CPSF6: variants seen among roughly 807,000 people sequenced by gnomAD.
CPSF6 encodes cleavage and polyadenylation specific factor 6, also known as cleavage and polyadenylation specificity factor subunit 6.
Under a neutral mutation model 56.7 loss-of-function variants are expected in CPSF6, and 10 were observed. That is an observed-to-expected ratio of 0.18 (90% CI 0.11 to 0.30). The LOEUF (loss-of-function observed/expected upper bound fraction) is 0.30. CPSF6 is among the 10% of genes least tolerant of loss of function. The pLI is 1.00. For missense variants in CPSF6, 419 were observed against 722.9 expected, an observed-to-expected ratio of 0.58 and a Z score of 4.82; for synonymous variants, 248 against 244.8, an observed-to-expected ratio of 1.01 and a Z score of -0.12.
rs565277837 is a variant in CPSF6, at chr12:69,260,183, T to C, written c.1455T>C (p.Tyr485=). Residue 485 remains tyrosine (Y), a synonymous_variant, in exon 8 of 10, where the codon TAT becomes TAC. Coordinates refer to ENST00000435070, the MANE Select transcript of CPSF6 (RefSeq NM_007007.3). ...TTCATGGAATTGAGTCCAAGTCTTATGGTTCTGGATCAAGGTAAAACTTTC... is the reference window on the plus strand; with the variant it reads ...TTCATGGAATTGAGTCCAAGTCTTACGGTTCTGGATCAAGGTAAAACTTTC... ...DCLHGIESKS[Y]GSGSRRERSR... The C allele has an allele frequency of 2.3e-5, 37 of 1,600,828 alleles. No homozygotes were observed. Among genetic ancestry groups the C allele is most frequent in the African/African-American group, 8.1e-5 (6 of 74,230 alleles).
intron 4 of CPSF6, among the ~76,000 whole-genome samples, chr12:69,257,419 T>A (rs1261603999): frequency 2.6e-5 from 4 of 152,226 alleles, no homozygotes; most frequent in Non-Finnish European, 4.4e-5. Flanking sequence ...GTTACAAAAT[T>A]TAAATGATGT....
intron 1 of CPSF6, 106 bp from the exon 2 acceptor site, chr12:69,251,023 C>A: frequency 1.8e-6 from 2 of 1,088,912 alleles, no homozygotes; most frequent in Non-Finnish European, 2.6e-6. Flanking sequence ...AAATCCTTGG[C>A]CTTTTTCCAT....
chr12:69,256,139 A>G (rs745498852), intron 3 of CPSF6, among the ~76,000 whole-genome samples: 8 of 152,218 alleles, frequency 5.3e-5, no homozygotes, highest in Non-Finnish European at 1.2e-4. Context: ...CTCCTATTGT[A>G]TGATTCCATT....
chr12:69,254,695 C>T (rs1872423557), intron 3 of CPSF6, among the ~76,000 whole-genome samples: 1 of 151,682 alleles, frequency 6.6e-6, no homozygotes. Flanking sequence ...ATGTTGTGAC[C>T]CAAGATAATC....
At chr12:69,256,506 G>A (rs1872516838) in intron 3 of CPSF6, among the ~76,000 whole-genome samples, 191 bp from the exon 4 acceptor site, 1 of 152,114 alleles carries the variant, frequency 6.6e-6, no homozygotes, top group Admixed American at 6.5e-5. Flanking sequence ...ATAGGTTACT[G>A]TAGCCTCAAA....
At position 69,272,499 on chromosome 12, in the gene CPSF6, A is replaced by G. The variant is rs563307341; in HGVS notation, c.*2991A>G. The G allele has an allele frequency of 1.3e-4, 19 of 151,850 alleles. No homozygotes were observed. Among genetic ancestry groups the G allele is most frequent in the African/African-American group, 4.3e-4 (18 of 41,524 alleles). The allele number at this position is 151,850 out of a possible 1,614,324, so 9.4% of individuals were successfully genotyped here. ...TGCCAATCTAAATACATACTGTTTT[A>G]TACAATGAGATGCATTACAAGACTT... On this transcript the variant is annotated 3_prime_UTR_variant, in exon 10 of 10. Coordinates refer to ENST00000435070, the MANE Select transcript of CPSF6 (RefSeq NM_007007.3).
At chr12:69,251,937 T>C in intron 2 of CPSF6, 1 of 428,406 alleles carries the variant, frequency 2.3e-6, no homozygotes, top group Non-Finnish European at 4.6e-6. Flanking sequence ...ATTAAAATAG[T>C]CCTATAGAAT....
At chr12:69,255,725 G>A (rs920177932) in intron 3 of CPSF6, among the ~76,000 whole-genome samples, 1 of 152,162 alleles carries the variant, frequency 6.6e-6, no homozygotes, top group Non-Finnish European at 1.5e-5. Context: ...TTTTAGTAGA[G>A]ACGGGGTTTC....
At chr12:69,262,213 C>A in intron 8 of CPSF6, 160 bp from the exon 9 acceptor site, 1 of 435,406 alleles carries the variant, frequency 2.3e-6, no homozygotes, top group Non-Finnish European at 3.1e-6. Flanking sequence ...TCATGCTTAC[C>A]TGGTGAGTTG....
At position 69,273,310 on chromosome 12, in the gene CPSF6, G is replaced by A. The variant is rs1873342046; in HGVS notation, c.*3802G>A. 2 of 315,170 alleles carry A rather than the reference G, an allele frequency of 6.3e-6. No homozygotes were observed. Among genetic ancestry groups the A allele is most frequent in the Middle Eastern group, 4.2e-4 (1 of 2,368 alleles). The allele number at this position is 315,170 out of a possible 1,614,324, so 19.5% of individuals were successfully genotyped here. ...AATTTCAGGTTGTGGCATTCACTGA[G>A]TATGCAGCTACTATGGTTTTTGTAT... On this transcript the variant is annotated 3_prime_UTR_variant, in exon 10 of 10. Transcript: ENST00000435070.
At chr12:69,245,594 A>G (rs552858315) in intron 1 of CPSF6, among the ~76,000 whole-genome samples, 40 of 152,284 alleles carry the variant, frequency 2.6e-4, no homozygotes, top group Non-Finnish European at 4.3e-4. Flanking sequence ...TTTATGTTTT[A>G]TGTGTAAAGT....
chr12:69,249,016 G>T (rs1872062674), intron 1 of CPSF6, among the ~76,000 whole-genome samples: 2 of 151,832 alleles, frequency 1.3e-5, no homozygotes. Flanking sequence ...GGAGGCCGAG[G>T]CGGGCGGATC....
At chr12:69,240,694 C>T (rs1325708047) in intron 1 of CPSF6, among the ~76,000 whole-genome samples, 1 of 151,204 alleles carries the variant, frequency 6.6e-6, no homozygotes, top group Non-Finnish European at 1.5e-5. Context: ...CCCCCACCCC[C>T]ACCCCCGGGC....
chr12:69,268,451 A>G (rs1873095430), intron 9 of CPSF6, among the ~76,000 whole-genome samples: 1 of 151,594 alleles, frequency 6.6e-6, no homozygotes, highest in Non-Finnish European at 1.5e-5. Flanking sequence ...ACATAATAGA[A>G]AAATTTATAG....
At chr12:69,266,531 T>A (rs949133135) in intron 9 of CPSF6, among the ~76,000 whole-genome samples, 1 of 152,234 alleles carries the variant, frequency 6.6e-6, no homozygotes, top group Admixed American at 6.5e-5. Context: ...CAGTGTTAAA[T>A]TTACTACCAT....
chr12:69,249,506 T>C (rs1872121891), intron 1 of CPSF6, among the ~76,000 whole-genome samples: 1 of 152,136 alleles, frequency 6.6e-6, no homozygotes, highest in Non-Finnish European at 1.5e-5. Context: ...TATAATTCTT[T>C]AGTAAATTGT....
Position 69,257,790 on chromosome 12 carries a change from C to T in CPSF6, c.579C>T (p.Ser193=), listed in dbSNP as rs143908317. The change falls in exon 5 of 10, where the codon TCC becomes TCT. Residue 193 remains serine, a synonymous_variant. Transcript: ENST00000435070. ...EGKAGPPGGS[S]RAAFPQGGRG... is the part of the protein sequence containing the mutation. ...AAGCTGGTCCTCCAGGAGGCAGTTC[C>T]CGTGCAGCATTTCCACAAGGTGGTA... 107 of 1,613,302 alleles carry T rather than the reference C, an allele frequency of 6.6e-5. No homozygotes were observed. The highest frequency in any genetic ancestry group is 1.1e-4 in the South Asian group (10 of 90,962).
intron 2 of CPSF6, chr12:69,252,217 G>A (rs1430192473): frequency 1.0e-5 from 4 of 385,270 alleles, no homozygotes; most frequent in Non-Finnish European, 2.0e-5. Context: ...AGGACCACAG[G>A]CATGTGTCAC....
chr12:69,253,106 T>C lies in CPSF6; in HGVS notation c.326T>C (p.Ile109Thr). The change falls in exon 3 of 10, where the codon ATT becomes ACT. Residue 109 changes from isoleucine (I) to threonine (T), a missense_variant. Physicochemically the swap from Ile to Thr is moderately conservative, Grantham distance 89 (BLOSUM62 -1). This residue lies in a region of CPSF6 where 125 missense variants were observed against 216.4 expected (regional missense o/e 0.58). Transcript: ENST00000435070. ...EAVHSLGVND[I>T]LEIKFFENRA... is the part of the protein sequence containing the mutation. Reference sequence around the variant, plus strand: ...GTTCATTCTTTGGGAGTAAATGATATTTTGGAGATAAAATTTTTTGAAAAT... The same window carrying C: ...GTTCATTCTTTGGGAGTAAATGATACTTTGGAGATAAAATTTTTTGAAAAT... 6.2e-7 allele frequency: 1 copy of C among 1,601,860 alleles called. No homozygotes were observed. The highest frequency in any genetic ancestry group is 1.1e-5 in the South Asian group (1 of 87,924).
Sources: gnomAD v4.1 joint callset for allele counts (sites outside exome capture counted in the v4.1 genomes callset) on GRCh38, gnomAD v4.1.1 for gene constraint, gnomAD v4.1.1 regional missense constraint, MANE v1.5 for transcripts, NCBI Gene and HGNC (gene_info 2026-07-23, HGNC 2026-07-21) for gene names.